CD248: variants seen among roughly 807,000 people sequenced by gnomAD.
CD248 encodes endosialin.
Under a neutral mutation model 8.0 loss-of-function variants are expected in CD248, and 7 were observed. The observed-to-expected ratio is 0.88, with a 90% CI of 0.50 to 1.64. The LOEUF (loss-of-function observed/expected upper bound fraction) is 1.64. Among genes scored for constraint, CD248 ranks in the 40% most tolerant of loss-of-function variants. The probability of loss-of-function intolerance (pLI) is 0.00; values close to 1 mark genes in which losing one functional copy is unlikely to be tolerated. For missense variants in CD248, 912 were observed against 1,027.2 expected, an observed-to-expected ratio of 0.89 and a Z score of 1.53; for synonymous variants, 418 against 437.1, an observed-to-expected ratio of 0.96 and a Z score of 0.54.
In CD248 at chr11:66,315,640, G is replaced by C. The variant is rs139979333; in HGVS notation, c.1388C>G (p.Ala463Gly). 1 of 1,614,020 alleles carries C rather than the reference G, an allele frequency of 6.2e-7. No homozygotes were observed. Among genetic ancestry groups the C allele is most frequent in the African/African-American group, 1.3e-5 (1 of 75,016 alleles). The change falls in exon 1 of 1, where the codon GCC (alanine) becomes GGC (glycine). Residue 463 changes from alanine (A) to glycine (G), a missense_variant. Physicochemically the swap from Ala to Gly is moderately conservative, Grantham distance 60. Around this residue, in one of 3 missense-constraint regions of CD248, gnomAD observed 507 missense variants for 562.2 expected, o/e 0.90. Transcript: ENST00000311330. This position sits in a 1 kb window ranked among gnomAD's most constrained non-coding sequence, Gnocchi z 4.3. The part of the protein sequence containing the change: ...VSATHPTLPS[A>G]HQPPVIPATH... The stretch of plus-strand genomic sequence containing the variant: ...GGCAGGGATCACAGGAGGCTGGTGG[G>C]CAGAAGGCAGTGTGGGATGCGTGGC...
chr11:66,315,178 A>G lies in CD248; in HGVS notation c.1850T>C (p.Leu617Pro). 1 of 1,524,824 alleles carries G rather than the reference A, an allele frequency of 6.6e-7. No individual in the cohort carries two copies. 94.5% of individuals were successfully genotyped at this position (1,524,824 alleles called of 1,614,324 possible). A position where few individuals can be genotyped will look rare whatever the true frequency, so the allele number is the denominator to read the frequency against. Residue 617 changes from leucine to proline, a missense_variant, in exon 1 of 1, where the codon CTC becomes CCC. Transcript: ENST00000311330. The surrounding 1 kb of genome is among the most constrained non-coding windows in gnomAD (Gnocchi z 4.3). ...SVPAATQPAA[L>P]PTLLPSQSPT... ...GCTCTGAGAGGGCAGGAGGGTGGGGAGGGCTGCGGGCTGGGTGGCAGCAGG... is the reference window on the plus strand; with the variant it reads ...GCTCTGAGAGGGCAGGAGGGTGGGGGGGGCTGCGGGCTGGGTGGCAGCAGG...
rs1476352928 is a variant in CD248, at chr11:66,316,039, A to G, written c.989T>C (p.Val330Ala). Reference protein sequence around the residue: ...GVCQQMCVNYVGGFECYCSEG... With the variant: ...GVCQQMCVNYAGGFECYCSEG... ...GCTACAATAACACTCGAAGCCACCA[A>G]CGTAGTTGACACACATCTGCTGGCA... The change falls in exon 1 of 1, where the codon GTT becomes GCT. Residue 330 changes from valine to alanine, a missense_variant. Physicochemically the swap from Val to Ala is moderately conservative, Grantham distance 64. Around this residue, in one of 3 missense-constraint regions of CD248, gnomAD observed 507 missense variants for 562.2 expected, o/e 0.90. Transcript: ENST00000311330. 1.2e-6 allele frequency: 2 copies of G among 1,613,692 alleles called. No individual in the cohort carries two copies. The highest frequency in any genetic ancestry group is 1.7e-5 in the Admixed American group (1 of 60,018).
At position 66,315,631 on chromosome 11, in the gene CD248, G is replaced by A. The variant is rs1467446083; in HGVS notation, c.1397C>T (p.Pro466Leu). ...THPTLPSAHQ[P>L]PVIPATHPAL... ...TGGGTGTGTGGCAGGGATCACAGGAGGCTGGTGGGCAGAAGGCAGTGTGGG... is the reference window on the plus strand; with the variant it reads ...TGGGTGTGTGGCAGGGATCACAGGAAGCTGGTGGGCAGAAGGCAGTGTGGG... Residue 466 changes from proline to leucine, a missense_variant, in exon 1 of 1, where the codon CCT (proline) becomes CTT (leucine). Physicochemically the swap from Pro to Leu is moderately conservative, Grantham distance 98. This residue lies in a region of CD248 where 507 missense variants were observed against 562.2 expected (regional missense o/e 0.90). Transcript: ENST00000311330. The surrounding 1 kb of genome is among the most constrained non-coding windows in gnomAD (Gnocchi z 4.3). 2 of 1,613,540 alleles carry A rather than the reference G, an allele frequency of 1.2e-6. No homozygotes were observed. Among genetic ancestry groups the A allele is most frequent in the Non-Finnish European group, 1.7e-6 (2 of 1,179,766 alleles).
chr11:66,316,085 C>T lies in CD248; in HGVS notation c.943G>A (p.Glu315Lys). The part of the protein sequence containing the change: ...DDPHRCVDTD[E>K]CQIAGVCQQM... ...TGGCACACACCGGCAATCTGGCACTCATCTGTGTCCACACAGCGGTGCGGA... is the reference window on the plus strand; with the variant it reads ...TGGCACACACCGGCAATCTGGCACTTATCTGTGTCCACACAGCGGTGCGGA... Residue 315 changes from glutamate (E) to lysine (K), a missense_variant, in exon 1 of 1, where the codon GAG becomes AAG. Glu to Lys is a moderately conservative substitution (Grantham distance 56, BLOSUM62 1). Transcript: ENST00000311330. 1.2e-6 allele frequency: 2 copies of T among 1,613,736 alleles called. No individual in the cohort carries two copies. The highest frequency in any genetic ancestry group is 1.7e-6 in the Non-Finnish European group (2 of 1,180,042).
At position 66,316,972 on chromosome 11, in the gene CD248, T is replaced by G; in HGVS notation, c.56A>C (p.Asp19Ala). ...GGCACGGGGCTCAGCAGCCCAGGGG[T>G]CCTGGCCCAGTGTGGGCCCTGCGGC... Reference protein sequence around the residue: ...WAAAGPTLGQDPWAAEPRAAC... With the variant: ...WAAAGPTLGQAPWAAEPRAAC... The change falls in exon 1 of 1, where the codon GAC becomes GCC. Residue 19 changes from aspartate (D) to alanine (A), a missense_variant. Around this residue, in one of 3 missense-constraint regions of CD248, gnomAD observed 403 missense variants for 446.2 expected, o/e 0.90. Coordinates refer to ENST00000311330, the MANE Select transcript of CD248 (RefSeq NM_020404.3). 6.5e-7 allele frequency: 1 copy of G among 1,529,326 alleles called. No individual in the cohort carries two copies. The highest frequency in any genetic ancestry group is 8.7e-7 in the Non-Finnish European group (1 of 1,151,170). 94.7% of individuals were successfully genotyped at this position (1,529,326 alleles called of 1,614,324 possible).
rs749426186 is a variant in CD248 at position 66,316,842 on chromosome 11, CCGAGGAGTGG to C, written c.176_185del (p.Ala59GlyfsTer153). The C allele has an allele frequency of 6.4e-7, 1 of 1,560,744 alleles. No individual in the cohort carries two copies. Among genetic ancestry groups the C allele is most frequent in the South Asian group, 1.1e-5 (1 of 87,634 alleles). ...CCACACGCTGGGCCTCCTCGGGGGT[CCGAGGAGTGG>C]CCAGGTCGCCCCCCAGCTCGCGGCA... is the stretch of plus-strand genomic sequence containing the variant. On this transcript the variant is annotated frameshift_variant, in exon 1 of 1. Transcript: ENST00000311330. LOFTEE classifies it low-confidence loss of function (END_TRUNC).
At position 66,315,890 on chromosome 11, in the gene CD248, C is replaced by T. The variant is rs1854541450; in HGVS notation, c.1138G>A (p.Glu380Lys). 4 of 1,613,720 alleles carry T rather than the reference C, an allele frequency of 2.5e-6. No individual in the cohort carries two copies. The highest frequency in any genetic ancestry group is 3.4e-6 in the Non-Finnish European group (4 of 1,180,010). Residue 380 changes from glutamate (E) to lysine (K), a missense_variant, in exon 1 of 1, where the codon GAG becomes AAG. Physicochemically the swap from Glu to Lys is moderately conservative, Grantham distance 56. Around this residue, in one of 3 missense-constraint regions of CD248, gnomAD observed 507 missense variants for 562.2 expected, o/e 0.90. Coordinates refer to ENST00000311330, the MANE Select transcript of CD248 (RefSeq NM_020404.3). This position sits in a 1 kb window ranked among gnomAD's most constrained non-coding sequence, Gnocchi z 4.3. ...CCACCGTTGAAGGCCTTCCAGGCCT[C>T]GTCTTCATCTTCCTCATCCTCCCCG... is the stretch of plus-strand genomic sequence containing the variant. ...DDGEDEEDED[E>K]AWKAFNGGWT...
At position 66,315,352 on chromosome 11, in the gene CD248, G is replaced by T; in HGVS notation, c.1676C>A (p.Thr559Asn). Residue 559 changes from threonine (T) to asparagine (N), a missense_variant, in exon 1 of 1, where the codon ACC becomes AAC. Around this residue, in one of 3 missense-constraint regions of CD248, gnomAD observed 507 missense variants for 562.2 expected, o/e 0.90. Transcript: ENST00000311330. The surrounding 1 kb of genome is among the most constrained non-coding windows in gnomAD (Gnocchi z 4.3). ...GIPPNHAPLV[T>N]TLGAQLPPQA... The stretch of plus-strand genomic sequence containing the variant: ...AGGGGGTAGCTGGGCACCGAGGGTG[G>T]TGACCAGAGGGGCATGGTTAGGTGG... 2 of 1,592,324 alleles carry T rather than the reference G, an allele frequency of 1.3e-6. No individual in the cohort carries two copies. The highest frequency in any genetic ancestry group is 1.7e-6 in the Non-Finnish European group (2 of 1,166,950).
rs375102677 is a variant in CD248 at position 66,315,935 on chromosome 11, C to T, written c.1093G>A (p.Gly365Arg). 301 of 1,613,394 alleles carry T rather than the reference C, an allele frequency of 1.9e-4. 3 individuals are homozygous for T. The South Asian group carries it at 3.0e-3, about 16-fold the overall frequency. ...AMGAQASQDL[G>R]DELLDDGEDE... ...TCCCCGTCATCCAGCAACTCATCTC[C>T]GAGGTCCTGGGAAGCCTGGGCACCC... Residue 365 changes from glycine (G) to arginine (R), a missense_variant, in exon 1 of 1, where the codon GGA becomes AGA. Gly to Arg is a moderately radical substitution (Grantham distance 125, BLOSUM62 -2). Around this residue, in one of 3 missense-constraint regions of CD248, gnomAD observed 507 missense variants for 562.2 expected, o/e 0.90. Transcript: ENST00000311330. This position sits in a 1 kb window ranked among gnomAD's most constrained non-coding sequence, Gnocchi z 4.3.
In CD248 at chr11:66,315,789, G is replaced by T. The variant is rs749060090; in HGVS notation, c.1239C>A (p.Ser413Arg). Residue 413 changes from serine to arginine, a missense_variant, in exon 1 of 1, where the codon AGC (serine) becomes AGA (arginine). Physicochemically the swap from Ser to Arg is moderately radical, Grantham distance 110. Around this residue, in one of 3 missense-constraint regions of CD248, gnomAD observed 507 missense variants for 562.2 expected, o/e 0.90. Transcript: ENST00000311330. The surrounding 1 kb of genome is among the most constrained non-coding windows in gnomAD (Gnocchi z 4.3). ...PPDFALAYRP[S>R]FPEDREPQIP... is the part of the protein sequence containing the mutation. Reference sequence around the variant, plus strand: ...TCTGTGGCTCTCTGTCCTCTGGGAAGCTCGGTCTATAGGCCAGGGCAAAGT... The same window carrying T: ...TCTGTGGCTCTCTGTCCTCTGGGAATCTCGGTCTATAGGCCAGGGCAAAGT... 1 of 1,613,736 alleles carries T rather than the reference G, an allele frequency of 6.2e-7. No homozygotes were observed. The highest frequency in any genetic ancestry group is 1.1e-5 in the South Asian group (1 of 91,084).
Position 66,316,564 on chromosome 11 carries a change from A to G in CD248, c.464T>C (p.Leu155Pro). 6.2e-7 allele frequency: 1 copy of G among 1,600,434 alleles called. No homozygotes were observed. Among genetic ancestry groups the G allele is most frequent in the Non-Finnish European group, 8.5e-7 (1 of 1,179,362 alleles). ...GSCTLAVDGY[L>P]CQFGFEGACP... ...GGCGCCCTCGAAGCCAAACTGGCAC[A>G]GGTAGCCGTCGACAGCCAGCGTGCA... The change falls in exon 1 of 1, where the codon CTG becomes CCG. Residue 155 changes from leucine to proline, a missense_variant. Physicochemically the swap from Leu to Pro is moderately conservative, Grantham distance 98 (BLOSUM62 -3). Around this residue, in one of 3 missense-constraint regions of CD248, gnomAD observed 403 missense variants for 446.2 expected, o/e 0.90. Transcript: ENST00000311330.
rs112329883 is a variant in CD248 at position 66,314,584 on chromosome 11, G to T, written c.*170C>A. On this transcript the variant is annotated 3_prime_UTR_variant, in exon 1 of 1. Coordinates refer to ENST00000311330, the MANE Select transcript of CD248 (RefSeq NM_020404.3). This position sits in a 1 kb window ranked among gnomAD's most constrained non-coding sequence, Gnocchi z 4.0. ...GGTGTATCCTTGGTCACGAGCGCTG[G>T]GCCAGGAAGCAGAGTTCCTGAGAGC... 76 of 612,046 alleles carry T rather than the reference G, an allele frequency of 1.2e-4. No homozygotes were observed. The highest frequency in any genetic ancestry group is 2.0e-4 in the Non-Finnish European group (69 of 351,452). 37.9% of individuals were successfully genotyped at this position (612,046 alleles called of 1,614,324 possible).
Position 66,315,740 on chromosome 11 carries a change from G to T in CD248, c.1288C>A (p.Pro430Thr). 1 of 1,610,612 alleles carries T rather than the reference G, an allele frequency of 6.2e-7. No homozygotes were observed. The highest frequency in any genetic ancestry group is 8.5e-7 in the Non-Finnish European group (1 of 1,177,662). The change falls in exon 1 of 1, where the codon CCA becomes ACA. Residue 430 changes from proline (P) to threonine (T), a missense_variant. Pro to Thr is a conservative substitution (Grantham distance 38). This residue lies in a region of CD248 where 507 missense variants were observed against 562.2 expected (regional missense o/e 0.90). Transcript: ENST00000311330. The surrounding 1 kb of genome is among the most constrained non-coding windows in gnomAD (Gnocchi z 4.3). The stretch of plus-strand genomic sequence containing the variant: ...ACCCTGGGGGCACTGAGCGGGGGTG[G>T]CCAGGTGGGCTCCGGGTAGGGTATC... ...PQIPYPEPTW[P>T]PPLSAPRVPY...
At position 66,316,536 on chromosome 11, in the gene CD248, G is replaced by A. The variant is rs1219330288; in HGVS notation, c.492C>T (p.Cys164=). Residue 164 remains cysteine (C), a synonymous_variant, in exon 1 of 1, where the codon TGC becomes TGT. Transcript: ENST00000311330. ...YLCQFGFEGA[C]PALQDEAGQA... ...GGCCCGCCTCATCTTGCAGCGCCGG[G>A]CAGGCGCCCTCGAAGCCAAACTGGC... 2 of 1,599,316 alleles carry A rather than the reference G, an allele frequency of 1.3e-6. No individual in the cohort carries two copies. The highest frequency in any genetic ancestry group is 1.7e-5 in the Admixed American group (1 of 59,892).
Position 66,316,919 on chromosome 11 carries a change from G to C in CD248, c.109C>G (p.Leu37Val). 6.4e-7 allele frequency: 1 copy of C among 1,558,054 alleles called. No homozygotes were observed. Among genetic ancestry groups the C allele is most frequent in the Non-Finnish European group, 8.6e-7 (1 of 1,162,536 alleles). The change falls in exon 1 of 1, where the codon CTC becomes GTC. Residue 37 changes from leucine to valine, a missense_variant. This residue lies in a region of CD248 where 403 missense variants were observed against 446.2 expected (regional missense o/e 0.90). Coordinates refer to ENST00000311330, the MANE Select transcript of CD248 (RefSeq NM_020404.3). The stretch of plus-strand genomic sequence containing the variant: ...AGGAAGGTGCGGCGCCGTGGGAAGA[G>C]AGCGTAGCAGCTGCTGGGGCCGCAG... ...AACGPSSCYA[L>V]FPRRRTFLEA...
In CD248 at chr11:66,316,532, C is replaced by G; in HGVS notation, c.496G>C (p.Ala166Pro). The change falls in exon 1 of 1, where the codon GCG (alanine) becomes CCG (proline). Residue 166 changes from alanine to proline, a missense_variant. Physicochemically the swap from Ala to Pro is conservative, Grantham distance 27. This residue lies in a region of CD248 where 403 missense variants were observed against 446.2 expected (regional missense o/e 0.90). Transcript: ENST00000311330. ...CQFGFEGACP[A>P]LQDEAGQAGP... ...GCCTGGCCCGCCTCATCTTGCAGCGCCGGGCAGGCGCCCTCGAAGCCAAAC... is the reference window on the plus strand; with the variant it reads ...GCCTGGCCCGCCTCATCTTGCAGCGGCGGGCAGGCGCCCTCGAAGCCAAAC... The G allele has an allele frequency of 6.3e-7, 1 of 1,599,140 alleles. No homozygotes were observed.
Position 66,316,919 on chromosome 11 carries a change from G to A in CD248, c.109C>T (p.Leu37Phe). 1 of 1,558,054 alleles carries A rather than the reference G, an allele frequency of 6.4e-7. No individual in the cohort carries two copies. The highest frequency in any genetic ancestry group is 1.4e-5 in the African/African-American group (1 of 72,536). Residue 37 changes from leucine to phenylalanine, a missense_variant, in exon 1 of 1, where the codon CTC (leucine) becomes TTC (phenylalanine). This residue lies in a region of CD248 where 403 missense variants were observed against 446.2 expected (regional missense o/e 0.90). Coordinates refer to ENST00000311330, the MANE Select transcript of CD248 (RefSeq NM_020404.3). ...AACGPSSCYA[L>F]FPRRRTFLEA... ...AGGAAGGTGCGGCGCCGTGGGAAGA[G>A]AGCGTAGCAGCTGCTGGGGCCGCAG...
Position 66,317,034 on chromosome 11 carries a change from G to T in CD248, c.-7C>A. 1 of 1,423,278 alleles carries T rather than the reference G, an allele frequency of 7.0e-7. No individual in the cohort carries two copies. The highest frequency in any genetic ancestry group is 9.1e-7 in the Non-Finnish European group (1 of 1,097,750). 88.2% of individuals were successfully genotyped at this position (1,423,278 alleles called of 1,614,324 possible). A position where few individuals can be genotyped will look rare whatever the true frequency, so the allele number is the denominator to read the frequency against. On this transcript the variant is annotated 5_prime_UTR_variant, in exon 1 of 1. Coordinates refer to ENST00000311330, the MANE Select transcript of CD248 (RefSeq NM_020404.3). ...GCAACAGGCGCAGCAGCATCGCGAT[G>T]CCCCCGGACTGGTCCGGCCCCGGGC...
chr11:66,316,905 G>A lies in CD248; in HGVS notation c.123C>T (p.Arg41=). ...CCCGCCAGGCCTCCAGGAAGGTGCG[G>A]CGCCGTGGGAAGAGAGCGTAGCAGC... ...PSSCYALFPR[R]RTFLEAWRAC... Residue 41 remains arginine (R), a synonymous_variant, in exon 1 of 1, where the codon CGC becomes CGT. Coordinates refer to ENST00000311330, the MANE Select transcript of CD248 (RefSeq NM_020404.3). 1 of 1,558,814 alleles carries A rather than the reference G, an allele frequency of 6.4e-7. No homozygotes were observed. The highest frequency in any genetic ancestry group is 8.6e-7 in the Non-Finnish European group (1 of 1,162,328).
Sources: allele counts gnomAD v4.1 joint callset, GRCh38; gene constraint gnomAD v4.1.1; regional missense constraint gnomAD v4.1.1; non-coding constraint Gnocchi (gnomAD v3.1); transcripts MANE v1.5; gene names NCBI Gene and HGNC (gene_info 2026-07-23, HGNC 2026-07-21).